LRRTM4: variants seen among roughly 807,000 people sequenced by gnomAD.
The protein encoded by LRRTM4 is leucine-rich repeat transmembrane neuronal protein 4.
In LRRTM4, 25 loss-of-function variants were observed where a neutral mutation model predicts 47.6. The ratio of observed to expected loss-of-function variants is 0.53; its 90% CI spans 0.38 to 0.73. The LOEUF (loss-of-function observed/expected upper bound fraction) is 0.73, where lower values mean the gene tolerates loss of function less well. Among genes scored for constraint, LRRTM4 ranks in the 30% least tolerant of loss-of-function variants. The probability of loss-of-function intolerance (pLI) is 0.00; values close to 1 mark genes in which losing one functional copy is unlikely to be tolerated. For synonymous variants in LRRTM4, 311 were observed against 269.5 expected (o/e 1.15, Z -1.51); for missense variants, 638 against 713.4 (o/e 0.89, Z 1.20).
intron 3 of LRRTM4, among the ~76,000 whole-genome samples, chr2:77,280,204 G>A (rs1178729787): frequency 6.6e-6 from 1 of 151,960 alleles, no homozygotes; most frequent in Admixed American, 6.6e-5. Flanking sequence ...GAGGTAAAAT[G>A]GGGCCATGAC....
At chr2:77,032,141 T>G (rs778334468) in intron 3 of LRRTM4, among the ~76,000 whole-genome samples, 11 of 152,168 alleles carry the variant, frequency 7.2e-5, no homozygotes, top group Non-Finnish European at 1.6e-4. Context: ...GCTTTCCACC[T>G]GGCTCTGCAG....
chr2:76,888,050 TA>T (rs1673133667), intron 3 of LRRTM4, among the ~76,000 whole-genome samples: 2 of 139,630 alleles, frequency 1.4e-5, no homozygotes, highest in Non-Finnish European at 1.7e-5. Context: ...TATATATACA[TA>T]TATGTGTGTT....
At chr2:76,939,170 T>C (rs900874306) in intron 3 of LRRTM4, among the ~76,000 whole-genome samples, 1 of 152,186 alleles carries the variant, frequency 6.6e-6, no homozygotes, top group Non-Finnish European at 1.5e-5. Flanking sequence ...AAATGGTGAT[T>C]GTATTTTTAG....
intron 3 of LRRTM4, among the ~76,000 whole-genome samples, chr2:77,048,452 C>A (rs1188246127): frequency 1.3e-5 from 2 of 151,958 alleles, no homozygotes; most frequent in African/African-American, 4.8e-5. Flanking sequence ...GTTACAGCTT[C>A]TTAATATAAC....
chr2:76,971,125 G>A (rs547954775), intron 3 of LRRTM4, among the ~76,000 whole-genome samples: 56 of 152,012 alleles, frequency 3.7e-4, no homozygotes, highest in African/African-American at 1.2e-3. Flanking sequence ...CTAGTGGAGG[G>A]GACAGTTGCC....
chr2:77,509,507 A>T (rs1238193306), intron 3 of LRRTM4, among the ~76,000 whole-genome samples: 1 of 152,140 alleles, frequency 6.6e-6, no homozygotes, highest in African/African-American at 2.4e-5. Context: ...AAGGGACGGA[A>T]AGGTCATGTT....
At chr2:77,199,623 T>A (rs991822368) in intron 3 of LRRTM4, among the ~76,000 whole-genome samples, 45 of 152,128 alleles carry the variant, frequency 3.0e-4, no homozygotes, top group African/African-American at 9.9e-4. Flanking sequence ...CTGTTTTAAA[T>A]TGCAAACATT....
chr2:77,026,486 C>A (rs903552394), intron 3 of LRRTM4, among the ~76,000 whole-genome samples: 5 of 152,030 alleles, frequency 3.3e-5, no homozygotes, highest in Non-Finnish European at 4.4e-5. Context: ...TAAATTATCA[C>A]AATAAGTGAG....
At chr2:76,918,558 A>G (rs1674329820) in intron 3 of LRRTM4, among the ~76,000 whole-genome samples, 1 of 152,178 alleles carries the variant, frequency 6.6e-6, no homozygotes, top group Non-Finnish European at 1.5e-5. Context: ...CCATGCAAAA[A>G]TGTTTTTAAA....
chr2:77,497,854 T>C (rs962948120), intron 3 of LRRTM4, among the ~76,000 whole-genome samples: 2 of 151,624 alleles, frequency 1.3e-5, no homozygotes, highest in Non-Finnish European at 3.0e-5. Flanking sequence ...ATAACAGTAT[T>C]ACAATAATAG....
chr2:76,952,766 A>G (rs1279523130), intron 3 of LRRTM4, among the ~76,000 whole-genome samples: 1 of 151,948 alleles, frequency 6.6e-6, no homozygotes, highest in Non-Finnish European at 1.5e-5. Context: ...TATTATTCAC[A>G]ATAGCAAAAA....
intron 3 of LRRTM4, among the ~76,000 whole-genome samples, chr2:76,999,335 C>T (rs1319052841): frequency 6.6e-6 from 1 of 151,798 alleles, no homozygotes; most frequent in African/African-American, 2.4e-5. Flanking sequence ...TCAAGATGTA[C>T]TTGAGCAACT....
At chr2:77,244,416 G>A (rs1221131258) in intron 3 of LRRTM4, among the ~76,000 whole-genome samples, 1 of 152,038 alleles carries the variant, frequency 6.6e-6, no homozygotes, top group Non-Finnish European at 1.5e-5. Flanking sequence ...TTAATTTTCA[G>A]TTTTATTTAA....
intron 3 of LRRTM4, among the ~76,000 whole-genome samples, chr2:76,834,655 T>C (rs1558683570): frequency 6.6e-6 from 1 of 152,052 alleles, no homozygotes; most frequent in South Asian, 2.1e-4. Flanking sequence ...TATTCAAAGA[T>C]TACTCTTTAT....
intron 3 of LRRTM4, among the ~76,000 whole-genome samples, chr2:77,498,425 T>C (rs1047732903): frequency 2.6e-5 from 4 of 151,834 alleles, no homozygotes; most frequent in African/African-American, 9.7e-5. Context: ...AACCATTTAT[T>C]TGCTTTTCAG....
intron 3 of LRRTM4, among the ~76,000 whole-genome samples, chr2:76,895,468 T>C (rs1018764041): frequency 1.3e-5 from 2 of 152,058 alleles, no homozygotes; most frequent in Non-Finnish European, 2.9e-5. Flanking sequence ...CAAGCTAAAA[T>C]CATTCATCCT....
chr2:76,940,584 C>T (rs968303409), intron 3 of LRRTM4, among the ~76,000 whole-genome samples: 2 of 152,154 alleles, frequency 1.3e-5, no homozygotes, highest in Admixed American at 6.5e-5. Flanking sequence ...AACAAACCCC[C>T]ATGACACGAG....
chr2:77,058,490 C>CA (rs1679681309), intron 3 of LRRTM4, among the ~76,000 whole-genome samples: 1 of 148,078 alleles, frequency 6.8e-6, no homozygotes, highest in South Asian at 2.1e-4. Context: ...TTCTTTTTTT[C>CA]ATCTCTTTCC....
At chr2:76,782,811 T>TAAGGGTC (rs1489453809) in intron 3 of LRRTM4, among the ~76,000 whole-genome samples, 1 of 152,238 alleles carries the variant, frequency 6.6e-6, no homozygotes, top group African/African-American at 2.4e-5. Flanking sequence ...GTCAACTGTT[T>TAAGGGTC]AACACCTACA....
Sources: allele counts gnomAD v4.1 joint callset (sites outside exome capture counted in the v4.1 genomes callset), GRCh38; gene constraint gnomAD v4.1.1; transcripts MANE v1.5; gene names NCBI Gene and HGNC (gene_info 2026-07-23, HGNC 2026-07-21).